The following FXR1 variants were observed in gnomAD, a reference collection of about 807,000 sequenced individuals.
The protein encoded by FXR1 is FMR1 autosomal homolog 1.
A neutral mutation model predicts 84.0 loss-of-function variants in FXR1; 15 were observed. That is an observed-to-expected ratio of 0.18 (90% CI 0.12 to 0.27). FXR1 has a LOEUF of 0.27. FXR1 is among the 10% of genes least tolerant of loss of function. The pLI is 1.00. For synonymous variants in FXR1, 245 were observed against 250.7 expected (o/e 0.98, Z 0.21); for missense variants, 480 against 774.4 (o/e 0.62, Z 4.51).
intron 1 of FXR1, among the ~76,000 whole-genome samples, chr3:180,914,498 C>T (rs1475261281): frequency 6.6e-6 from 1 of 152,112 alleles, no homozygotes; most frequent in East Asian, 1.9e-4. Context: ...GGTTCTGCAT[C>T]ATGCATGTGG....
At chr3:180,952,543 A>G (rs1722330386) in intron 8 of FXR1, among the ~76,000 whole-genome samples, 1 of 151,458 alleles carries the variant, frequency 6.6e-6, no homozygotes, top group Non-Finnish European at 1.5e-5. Flanking sequence ...AGCAACAGAG[A>G]GCAAGGTCCT....
At chr3:180,919,291 T>TC in intron 1 of FXR1, among the ~76,000 whole-genome samples, 1 of 149,664 alleles carries the variant, frequency 6.7e-6, no homozygotes, top group East Asian at 1.9e-4. Context: ...TATTTTTGTT[T>TC]TTTTTTTTTT....
Position 180,978,119 on chromosome 3 carries a change from T to G in FXR1, c.*1827T>G, listed in dbSNP as rs1243152414. 6.6e-6 allele frequency: 1 copy of G among 151,678 alleles called. No homozygotes were observed. The allele number at this position is 151,678 out of a possible 1,614,324, so 9.4% of individuals were successfully genotyped here. On this transcript the variant is annotated 3_prime_UTR_variant, in exon 17 of 17. Transcript: ENST00000357559. ...AATTGTCTCAGTTCTCTTACATAAT[T>G]GGGTTAAAAATTATAAGGTATTAGA...
At chr3:180,934,582 C>T (rs959898398) in intron 2 of FXR1, among the ~76,000 whole-genome samples, 13 of 152,060 alleles carry the variant, frequency 8.5e-5, no homozygotes, top group African/African-American at 3.1e-4. Context: ...ATAAATGGAA[C>T]GTGAGAAAAT....
At chr3:180,918,045 AT>A in intron 1 of FXR1, among the ~76,000 whole-genome samples, 1 of 152,182 alleles carries the variant, frequency 6.6e-6, no homozygotes, top group South Asian at 2.1e-4. Flanking sequence ...TACGAAAAAT[AT>A]GAAAGCAGAA....
At chr3:180,970,387 T>G in intron 15 of FXR1, 29 bp downstream of exon 15, 1 of 93,882 alleles carries the variant, frequency 1.1e-5, no homozygotes, top group South Asian at 3.5e-4. Flanking sequence ...AAGAGAAATA[T>G]ATATATATAT....
rs568314179 is a variant in FXR1 at position 180,979,279 on chromosome 3, C to T, written c.*2987C>T. 2.6e-5 allele frequency: 4 copies of T among 152,180 alleles called. No homozygotes were observed. Among genetic ancestry groups the T allele is most frequent in the East Asian group, 3.9e-4 (2 of 5,174 alleles). 9.4% of individuals were successfully genotyped at this position (152,180 alleles called of 1,614,324 possible). A position where few individuals can be genotyped will look rare whatever the true frequency, so the allele number is the denominator to read the frequency against. ...AACTAGTGTTCTCATGGGCTGTTGC[C>T]TAAGGACAGATAAACATGGAAAACA... On this transcript the variant is annotated 3_prime_UTR_variant, in exon 17 of 17. Coordinates refer to ENST00000357559, the MANE Select transcript of FXR1 (RefSeq NM_005087.4).
chr3:180,919,840 A>AT (rs1260929536), intron 1 of FXR1, among the ~76,000 whole-genome samples: 1 of 150,930 alleles, frequency 6.6e-6, no homozygotes, highest in Admixed American at 6.6e-5. Flanking sequence ...CGCCCGGCTG[A>AT]TTTTTGTATT....
rs142617280 is a variant in FXR1 at position 180,925,032 on chromosome 3, G to A, written c.52-8302G>A. Among the ~76,000 whole-genome samples the A allele has an allele frequency of 1.2e-3, 190 of 152,158 alleles. 3 individuals carry two copies. In the East Asian group the frequency reaches 0.028, roughly 23 times the overall value. On this transcript the variant is annotated intron_variant, in intron 1 of 16. Transcript: ENST00000357559. The stretch of plus-strand genomic sequence containing the variant: ...GTTTCTTCTCAAAATATCTTCCTCA[G>A]TGCCATGGAGAGTATTGATGTTGTA...
chr3:180,968,408 A>G (rs908402239), intron 14 of FXR1, 154 bp downstream of exon 14: 3 of 606,822 alleles, frequency 4.9e-6, no homozygotes, highest in Non-Finnish European at 8.8e-6. Flanking sequence ...GTATCAGGAA[A>G]AGCCCTCGTA....
At chr3:180,932,759 T>C (rs1720085055) in intron 1 of FXR1, among the ~76,000 whole-genome samples, 1 of 152,206 alleles carries the variant, frequency 6.6e-6, no homozygotes, top group South Asian at 2.1e-4. Flanking sequence ...GCAAAGATAG[T>C]ATTCAAAATG....
chr3:180,977,945 T>C lies in FXR1; in HGVS notation c.*1653T>C, dbSNP rs529436752. 1 of 152,008 alleles carries C rather than the reference T, an allele frequency of 6.6e-6. No homozygotes were observed. The allele number at this position is 152,008 out of a possible 1,614,324, so 9.4% of individuals were successfully genotyped here. On this transcript the variant is annotated 3_prime_UTR_variant, in exon 17 of 17. Transcript: ENST00000357559. Reference sequence around the variant, plus strand: ...CTTTTTCCTGAGGCCTTCTGATTGGTTCTTGGTAACAGAATTTTAAAGTAA... The same window carrying C: ...CTTTTTCCTGAGGCCTTCTGATTGGCTCTTGGTAACAGAATTTTAAAGTAA...
intron 7 of FXR1, among the ~76,000 whole-genome samples, chr3:180,949,770 C>T (rs6802944): frequency 0.068 from 10,380 of 152,156 alleles, 1,012 homozygotes; most frequent in African/African-American, 0.22. Flanking sequence ...GAGTTGTGTC[C>T]GTAGAACAAT....
intron 1 of FXR1, among the ~76,000 whole-genome samples, chr3:180,924,038 A>G (rs534804403): frequency 2.0e-5 from 3 of 152,096 alleles, no homozygotes; most frequent in South Asian, 4.2e-4. Context: ...GGCCCACTGA[A>G]ACCTCTGCCT....
At chr3:180,941,506 G>A (rs962733994) in intron 3 of FXR1, among the ~76,000 whole-genome samples, 2 of 152,100 alleles carry the variant, frequency 1.3e-5, no homozygotes, top group South Asian at 2.1e-4. Flanking sequence ...TTATATAAAA[G>A]ATATACATGG....
chr3:180,969,654 A>G (rs1179730929), intron 14 of FXR1, among the ~76,000 whole-genome samples: 4 of 152,288 alleles, frequency 2.6e-5, no homozygotes, highest in Admixed American at 6.5e-5. Flanking sequence ...GATTTCTATT[A>G]TGTCATGGAA....
chr3:180,931,514 G>A (rs1025346265), intron 1 of FXR1, among the ~76,000 whole-genome samples: 25 of 151,838 alleles, frequency 1.6e-4, no homozygotes, highest in African/African-American at 5.3e-4. Flanking sequence ...TCACTGCACC[G>A]GGCCTACCAT....
At chr3:180,951,690 T>A (rs559357948) in intron 8 of FXR1, among the ~76,000 whole-genome samples, 1 of 152,388 alleles carries the variant, frequency 6.6e-6, no homozygotes, top group African/African-American at 2.4e-5. Context: ...GTAGTTTTTT[T>A]ATTGAGGTTT....
intron 1 of FXR1, among the ~76,000 whole-genome samples, chr3:180,930,316 T>C (rs1368416725): frequency 6.6e-6 from 1 of 151,514 alleles, no homozygotes; most frequent in Non-Finnish European, 1.5e-5. Context: ...TTGTGAAAAA[T>C]GTGCACTCAA....
Sources: gnomAD v4.1 joint callset for allele counts (sites outside exome capture counted in the v4.1 genomes callset) on GRCh38, gnomAD v4.1.1 for gene constraint, MANE v1.5 for transcripts, NCBI Gene and HGNC (gene_info 2026-07-23, HGNC 2026-07-21) for gene names.